THADA: variants seen among roughly 807,000 people sequenced by gnomAD.
THADA encodes THADA armadillo repeat containing.
Under a neutral mutation model 219.8 loss-of-function variants are expected in THADA, and 213 were observed. The ratio of observed to expected loss-of-function variants is 0.97; its 90% CI spans 0.87 to 1.09. The LOEUF (loss-of-function observed/expected upper bound fraction) is 1.09, where lower values mean the gene tolerates loss of function less well. Ranked by LOEUF, THADA falls within the 50% of genes least tolerant of loss-of-function variation. The pLI is 0.00. For missense variants in THADA, 2,956 were observed against 2,311.3 expected (o/e 1.28, Z -5.72); for synonymous variants, 1,018 against 828.9 (o/e 1.23, Z -3.92).
At chr2:43,464,530 T>G (rs1463102482) in intron 26 of THADA, among the ~76,000 whole-genome samples, 1 of 152,168 alleles carries the variant, frequency 6.6e-6, no homozygotes, top group Non-Finnish European at 1.5e-5. Context: ...ACTAATAAGT[T>G]TTGTTAAATG....
At chr2:43,312,774 A>G (rs1278764967) in intron 31 of THADA, among the ~76,000 whole-genome samples, 1 of 151,244 alleles carries the variant, frequency 6.6e-6, no homozygotes, top group African/African-American at 2.4e-5. Flanking sequence ...GCCCAGAAAT[A>G]CAAAGTCCCC....
At chr2:43,394,774 C>T (rs1321287159) in intron 29 of THADA, among the ~76,000 whole-genome samples, 1 of 152,230 alleles carries the variant, frequency 6.6e-6, no homozygotes, top group Non-Finnish European at 1.5e-5. Flanking sequence ...CCTTTGACTT[C>T]TTTTTCTCAA....
chr2:43,505,817 T>G, intron 23 of THADA, 82 bp from the exon 24 acceptor site: 2 of 979,346 alleles, frequency 2.0e-6, no homozygotes, highest in Non-Finnish European at 3.1e-6. Context: ...AATCCCAAAA[T>G]GCAAAATCCC....
rs544455701 is a variant in THADA, at chr2:43,402,506, C to T, written c.4059-4367G>A. ...CACCTTTAACAGAGTGGGGGCTAAG[C>T]TTTTTCTAAGTGTTCTCCTCTCATA... On this transcript the variant is annotated intron_variant, in intron 28 of 37. Transcript: ENST00000405975. 2.0e-5 allele frequency among the ~76,000 whole-genome samples: 3 copies of T among 152,280 alleles called. No individual in the cohort carries two copies. The South Asian group carries it at 6.2e-4, about 32-fold the overall frequency.
At chr2:43,300,420 A>G (rs1314817535) in intron 31 of THADA, among the ~76,000 whole-genome samples, 1 of 152,186 alleles carries the variant, frequency 6.6e-6, no homozygotes, top group Non-Finnish European at 1.5e-5. Context: ...ATGAGGAAAC[A>G]GAGAGGTGAA....
chr2:43,258,675 C>G (rs766176156), intron 36 of THADA, among the ~76,000 whole-genome samples: 1 of 152,140 alleles, frequency 6.6e-6, no homozygotes, highest in Non-Finnish European at 1.5e-5. Flanking sequence ...ATGACCAGGC[C>G]AATATTTACA....
Position 43,556,399 on chromosome 2 carries a change from C to T in THADA, c.2620G>A (p.Ala874Thr), listed in dbSNP as rs528934509. Residue 874 changes from alanine to threonine, a missense_variant, in exon 17 of 38, where the codon GCA becomes ACA. Physicochemically the swap from Ala to Thr is moderately conservative, Grantham distance 58. Transcript: ENST00000405975. The part of the protein sequence containing the change: ...SLSAYLTQQV[A>T]CDNGDRPAAV... ...GCAGGCCTATCTCCATTATCACATG[C>T]AACTTGCTGAGTTAAGTAGGCAGAC... 43 of 1,613,882 alleles carry T rather than the reference C, an allele frequency of 2.7e-5. No individual in the cohort carries two copies. In the South Asian group the frequency reaches 4.7e-4, roughly 18 times the overall value.
chr2:43,377,893 G>A (rs952803754), intron 29 of THADA, among the ~76,000 whole-genome samples: 3 of 152,104 alleles, frequency 2.0e-5, no homozygotes, highest in South Asian at 4.1e-4. Context: ...ACCAGACACC[G>A]CAAAAGGCAG....
At chr2:43,323,483 T>C (rs961845225) in intron 30 of THADA, among the ~76,000 whole-genome samples, 3 of 152,208 alleles carry the variant, frequency 2.0e-5, no homozygotes, top group Admixed American at 6.5e-5. Flanking sequence ...AAAAACTTCA[T>C]TGATATCATT....
At chr2:43,416,453 G>A (rs950009816) in intron 28 of THADA, among the ~76,000 whole-genome samples, 5 of 152,120 alleles carry the variant, frequency 3.3e-5, no homozygotes, top group Non-Finnish European at 5.9e-5. Flanking sequence ...TTAATGCTCC[G>A]GACACTGTAG....
At chr2:43,501,307 CAAAAAAAAAAAAAAAA>C (rs60448094) in intron 24 of THADA, among the ~76,000 whole-genome samples, 111 of 15,060 alleles carry the variant, frequency 7.4e-3, no homozygotes, top group East Asian at 0.029. Flanking sequence ...ACTCCAACTC[CAAAAAAAAAAAAAAAA>C]AAAAAAAAAA....
At chr2:43,373,387 T>C (rs1424529156) in intron 29 of THADA, among the ~76,000 whole-genome samples, 2 of 152,234 alleles carry the variant, frequency 1.3e-5, no homozygotes, top group Non-Finnish European at 2.9e-5. Context: ...CATCCAATAA[T>C]TTCTATTTTC....
At chr2:43,422,710 A>T (rs1677870672) in intron 28 of THADA, among the ~76,000 whole-genome samples, 1 of 152,156 alleles carries the variant, frequency 6.6e-6, no homozygotes, top group Admixed American at 6.5e-5. Context: ...CATCCCATCA[A>T]TCCAGTCTTT....
intron 36 of THADA, among the ~76,000 whole-genome samples, chr2:43,236,621 C>T (rs1244776138): frequency 6.6e-6 from 1 of 152,070 alleles, no homozygotes; most frequent in Non-Finnish European, 1.5e-5. Flanking sequence ...TTTTGGGAGG[C>T]TAAGGTGGAA....
At chr2:43,325,410 G>A (rs1380406960) in intron 30 of THADA, among the ~76,000 whole-genome samples, 1 of 152,144 alleles carries the variant, frequency 6.6e-6, no homozygotes, top group African/African-American at 2.4e-5. Flanking sequence ...ATAGGAAGAT[G>A]AAGTGATTCA....
rs541766156 is a variant in THADA, at chr2:43,381,313, G to C, written c.4227+16658C>G. 3.3e-5 allele frequency among the ~76,000 whole-genome samples: 5 copies of C among 152,050 alleles called. No homozygotes were observed. In the South Asian group the frequency reaches 1.0e-3, roughly 32 times the overall value. On this transcript the variant is annotated intron_variant, in intron 29 of 37. Transcript: ENST00000405975. ...TCCATACTGATTGAAATAAATGATT[G>C]AACAAATAAATAAATGGGAGAGAAG...
intron 4 of THADA, among the ~76,000 whole-genome samples, chr2:43,589,231 A>G (rs971340973): frequency 4.6e-5 from 7 of 152,222 alleles, no homozygotes; most frequent in Non-Finnish European, 8.8e-5. Context: ...CCAAATGTCC[A>G]TTGAAAGATG....
At chr2:43,373,898 A>C (rs1405498455) in intron 29 of THADA, among the ~76,000 whole-genome samples, 1 of 152,222 alleles carries the variant, frequency 6.6e-6, no homozygotes, top group Non-Finnish European at 1.5e-5. Flanking sequence ...TTAATTAATG[A>C]GTTAAATAAA....
At chr2:43,470,968 C>T (rs572999125) in intron 26 of THADA, among the ~76,000 whole-genome samples, 17 of 152,090 alleles carry the variant, frequency 1.1e-4, no homozygotes, top group Non-Finnish European at 2.4e-4. Flanking sequence ...ATGGGGAGGA[C>T]CTGAGGGACA....
Sources: allele counts gnomAD v4.1 joint callset (sites outside exome capture counted in the v4.1 genomes callset), GRCh38; gene constraint gnomAD v4.1.1; transcripts MANE v1.5; gene names NCBI Gene and HGNC (gene_info 2026-07-23, HGNC 2026-07-21).